The following DERPC variants were observed in gnomAD, a reference collection of about 807,000 sequenced individuals.
DERPC encodes DERPC proline and glycine rich nuclear protein.
In DERPC, 1 loss-of-function variant was observed where a neutral mutation model predicts 7.2. The observed-to-expected ratio is 0.14, with a 90% confidence interval of 0.05 to 0.66. DERPC has a LOEUF of 0.66. DERPC is among the 30% of genes least tolerant of loss of function. The pLI, the probability that DERPC is intolerant of heterozygous loss-of-function variation, is 0.84. For synonymous variants in DERPC, 185 were observed against 117.6 expected (o/e 1.57, Z -3.71); for missense variants, 502 against 299.4 (o/e 1.68, Z -4.99).
chr16:69,129,200 G>A (rs1476411499), intron 1 of DERPC, among the ~76,000 whole-genome samples: 2 of 152,108 alleles, frequency 1.3e-5, no homozygotes, highest in Admixed American at 1.3e-4. Context: ...GGAGGCCGAG[G>A]CGGGCAGATC....
Position 69,121,508 on chromosome 16 carries a change from A to T in DERPC, c.-279-15T>A. 6.6e-7 allele frequency: 1 copy of T among 1,519,946 alleles called. No homozygotes were observed. Among genetic ancestry groups the T allele is most frequent in the Non-Finnish European group, 9.0e-7 (1 of 1,112,730 alleles). The allele number at this position is 1,519,946 out of a possible 1,614,324, so 94.2% of individuals were successfully genotyped here. A position where few individuals can be genotyped will look rare whatever the true frequency, so the allele number is the denominator to read the frequency against. ...GTGAAAACAAGCTGTAGAGAGAAAAAAAGAGATTTAGGGTAATAACAACAA... is the reference window on the plus strand; with the variant it reads ...GTGAAAACAAGCTGTAGAGAGAAAATAAGAGATTTAGGGTAATAACAACAA... On this transcript the variant is annotated splice_polypyrimidine_tract_variant and intron_variant, in intron 1 of 2. Coordinates refer to ENST00000519520, the MANE Select transcript of DERPC (RefSeq NM_001002847.4).
chr16:69,131,155 G>C (rs1416391280), intron 1 of DERPC: 1 of 152,096 alleles, frequency 6.6e-6, no homozygotes, highest in Non-Finnish European at 1.5e-5. Flanking sequence ...CTCCAAAAAG[G>C]GGCTTATGGA....
chr16:69,118,133 A>ATTC lies in DERPC; in HGVS notation c.*720_*721insGAA. ...TTTCTTCCCTTCATCCCCCACCCCC[A>ATTC]CCCTAATTCCCATATTCCCATCCAC... On this transcript the variant is annotated 3_prime_UTR_variant, in exon 3 of 3. Coordinates refer to ENST00000519520, the MANE Select transcript of DERPC (RefSeq NM_001002847.4). 1 of 148,008 alleles carries ATTC rather than the reference A, an allele frequency of 6.8e-6. No homozygotes were observed. The allele number at this position is 148,008 out of a possible 1,614,324, so 9.2% of individuals were successfully genotyped here.
Position 69,119,230 on chromosome 16 carries a change from G to T in DERPC, c.1199C>A (p.Pro400Gln), listed in dbSNP as rs1292063601. 1.4e-6 allele frequency: 1 copy of T among 702,864 alleles called. No individual in the cohort carries two copies. The highest frequency in any genetic ancestry group is 2.6e-6 in the Non-Finnish European group (1 of 384,982). The allele number at this position is 702,864 out of a possible 1,614,324, so 43.5% of individuals were successfully genotyped here. ...GGGGCCAAGTGGCCCAGAGGCTCTT[G>T]GGAAAATGGTTGGATTTGAGCCCTG... ...GLQGSNPTIF[P>Q]RASGPLGPNP... Residue 400 changes from proline (P) to glutamine (Q), a missense_variant, in exon 3 of 3, where the codon CCA becomes CAA. Pro to Gln is a moderately conservative substitution (Grantham distance 76). Transcript: ENST00000519520.
rs752863103 is a variant in DERPC at position 69,121,479 on chromosome 16, G to A, written c.-265C>T. The A allele has an allele frequency of 1.3e-6, 2 of 1,596,086 alleles. No homozygotes were observed. Among genetic ancestry groups the A allele is most frequent in the South Asian group, 1.1e-5 (1 of 87,802 alleles). On this transcript the variant is annotated 5_prime_UTR_variant, in exon 2 of 3. Transcript: ENST00000519520. The stretch of plus-strand genomic sequence containing the variant: ...ACCATGAGCTTTCTGTCTTTAAAAA[G>A]CAAGTGAAAACAAGCTGTAGAGAGA...
Position 69,118,656 on chromosome 16 carries a change from CTGCCACAGTTCACA to C in DERPC, c.*184_*197del. ...CTCTCAAGGGCAGGATTATTCCCAC[CTGCCACAGTTCACA>C]TGCCACAAATAACATCTCACCTTCA... On this transcript the variant is annotated 3_prime_UTR_variant, in exon 3 of 3. Coordinates refer to ENST00000519520, the MANE Select transcript of DERPC (RefSeq NM_001002847.4). 1 of 693,830 alleles carries C rather than the reference CTGCCACAGTTCACA, an allele frequency of 1.4e-6. No individual in the cohort carries two copies. The highest frequency in any genetic ancestry group is 2.6e-6 in the Non-Finnish European group (1 of 379,878). 43.0% of individuals were successfully genotyped at this position (693,830 alleles called of 1,614,324 possible).
At chr16:69,124,953 G>T (rs1961951347) in intron 1 of DERPC, among the ~76,000 whole-genome samples, 1 of 152,026 alleles carries the variant, frequency 6.6e-6, no homozygotes, top group Admixed American at 6.6e-5. Flanking sequence ...TGCCCAGGCT[G>T]GAGTGCAATG....
chr16:69,132,278 G>C (rs1451380272), intron 1 of DERPC: 2 of 35,764 alleles, frequency 5.6e-5, no homozygotes, highest in African/African-American at 1.1e-4. Flanking sequence ...CCCCACCTCC[G>C]CGCCGCCCTC....
At chr16:69,131,669 C>T (rs1046329241) in intron 1 of DERPC, among the ~76,000 whole-genome samples, 2 of 148,812 alleles carry the variant, frequency 1.3e-5, no homozygotes, top group African/African-American at 2.5e-5. Context: ...CCCAGGGAAA[C>T]TATTCTTTAA....
chr16:69,121,146 T>C (rs1961624136), intron 2 of DERPC: 1 of 1,613,184 alleles, frequency 6.2e-7, no homozygotes, highest in South Asian at 1.1e-5. Flanking sequence ...TCAGCACCCA[T>C]TCTGCCAGGC....
intron 1 of DERPC, among the ~76,000 whole-genome samples, chr16:69,130,228 G>A (rs1962399215): frequency 6.6e-6 from 1 of 152,010 alleles, no homozygotes; most frequent in Non-Finnish European, 1.5e-5. Context: ...ATGGCTTATA[G>A]CAAAAAAGAG....
In DERPC at chr16:69,119,132, G is replaced by C. The variant is rs1205804716; in HGVS notation, c.1297C>G (p.Pro433Ala). ...SPTTFPRSTG[P>A]LGPGQVTFPR... is the part of the protein sequence containing the mutation. Reference sequence around the variant, plus strand: ...AAAGTAACTTGACCAGGGCCTAATGGGCCAGTAGACCTTGGGAAGGTAGTT... The same window carrying C: ...AAAGTAACTTGACCAGGGCCTAATGCGCCAGTAGACCTTGGGAAGGTAGTT... The change falls in exon 3 of 3, where the codon CCA (proline) becomes GCA (alanine). Residue 433 changes from proline (P) to alanine (A), a missense_variant. Transcript: ENST00000519520. 4.3e-6 allele frequency: 3 copies of C among 703,068 alleles called. No individual in the cohort carries two copies. Among genetic ancestry groups the C allele is most frequent in the South Asian group, 3.0e-5 (2 of 67,570 alleles). 43.6% of individuals were successfully genotyped at this position (703,068 alleles called of 1,614,324 possible).
In DERPC at chr16:69,119,261, C is replaced by T. The variant is rs866331174; in HGVS notation, c.1168G>A (p.Gly390Ser). The change falls in exon 3 of 3, where the codon GGC (glycine) becomes AGC (serine). Residue 390 changes from glycine to serine, a missense_variant. By Grantham distance (56) the Gly-to-Ser change is moderately conservative. Transcript: ENST00000519520. ...SNPATFQRSA[G>S]LQGSNPTIFP... ...ATGGTTGGATTTGAGCCCTGGAGGC[C>T]AGCGGACCTTTGGAAGGTAGCTGGG... The T allele has an allele frequency of 7.1e-6, 5 of 703,066 alleles. No individual in the cohort carries two copies. Among genetic ancestry groups the T allele is most frequent in the Non-Finnish European group, 1.3e-5 (5 of 385,006 alleles). The allele number at this position is 703,066 out of a possible 1,614,324, so 43.6% of individuals were successfully genotyped here. A position where few individuals can be genotyped will look rare whatever the true frequency, so the allele number is the denominator to read the frequency against.
chr16:69,125,707 T>C (rs555882909), intron 1 of DERPC, among the ~76,000 whole-genome samples: 1 of 152,166 alleles, frequency 6.6e-6, no homozygotes, highest in East Asian at 1.9e-4. Context: ...ACCACTACTC[T>C]CAACAGAACT....
At position 69,126,035 on chromosome 16, in the gene DERPC, G is replaced by A. The variant is rs527616199; in HGVS notation, c.-279-4542C>T. ...TTAAGGAATGGTACATTTTAGCCACGAATCAAAAAAAGGCTCAATAATGCA... is the reference window on the plus strand; with the variant it reads ...TTAAGGAATGGTACATTTTAGCCACAAATCAAAAAAAGGCTCAATAATGCA... On this transcript the variant is annotated intron_variant, in intron 1 of 2. Transcript: ENST00000519520. 2.6e-5 allele frequency among the ~76,000 whole-genome samples: 4 copies of A among 152,196 alleles called. No individual in the cohort carries two copies. In the South Asian group the frequency reaches 6.2e-4, roughly 24 times the overall value.
intron 1 of DERPC, among the ~76,000 whole-genome samples, chr16:69,125,065 C>T (rs746900090): frequency 1.3e-5 from 2 of 151,938 alleles, no homozygotes; most frequent in South Asian, 2.1e-4. Context: ...CCACCATGCC[C>T]GGCTAATTTT....
At chr16:69,131,653 C>T (rs1015396379) in intron 1 of DERPC, among the ~76,000 whole-genome samples, 12 of 148,536 alleles carry the variant, frequency 8.1e-5, no homozygotes, top group African/African-American at 3.0e-4. Context: ...ACCCCTTTTC[C>T]TGCCTCCCAG....
chr16:69,120,171 G>A lies in DERPC; in HGVS notation c.258C>T (p.Phe86=), dbSNP rs755464417. The A allele has an allele frequency of 1.9e-4, 134 of 701,496 alleles. No homozygotes were observed. Among genetic ancestry groups the A allele is most frequent in the Non-Finnish European group, 3.1e-4 (118 of 385,130 alleles). 43.5% of individuals were successfully genotyped at this position (701,496 alleles called of 1,614,324 possible). A position where few individuals can be genotyped will look rare whatever the true frequency, so the allele number is the denominator to read the frequency against. The change falls in exon 3 of 3, where the codon TTC becomes TTT. Residue 86 remains phenylalanine, a synonymous_variant. Transcript: ENST00000519520. The surrounding 1 kb of genome is among the most constrained non-coding windows in gnomAD (Gnocchi z 4.0). ...TACTTGGGTCACGAGCACCAGCCGGGAAAGGTGCTGGATTTGAAGCCAATG... is the reference window on the plus strand; with the variant it reads ...TACTTGGGTCACGAGCACCAGCCGGAAAAGGTGCTGGATTTGAAGCCAATG... The part of the protein sequence containing the change: ...SGSLASNPAP[F]PAGARDPSMA...
chr16:69,130,031 C>G (rs1962380147), intron 1 of DERPC, among the ~76,000 whole-genome samples: 1 of 152,198 alleles, frequency 6.6e-6, no homozygotes, highest in African/African-American at 2.4e-5. Flanking sequence ...CATTCTTTGT[C>G]AAGTATTCAT....
Sources: allele counts gnomAD v4.1 joint callset (sites outside exome capture counted in the v4.1 genomes callset), GRCh38; gene constraint gnomAD v4.1.1; non-coding constraint Gnocchi (gnomAD v3.1); transcripts MANE v1.5; gene names NCBI Gene and HGNC (gene_info 2026-07-23, HGNC 2026-07-21).